TM7SF3: variants seen among roughly 807,000 people sequenced by gnomAD.
TM7SF3 encodes seven span transmembrane protein.
In TM7SF3, 60 loss-of-function variants were observed where a neutral mutation model predicts 65.5. That is an observed-to-expected ratio of 0.92 (90% confidence interval 0.74 to 1.14). TM7SF3 has a LOEUF of 1.14. Among genes scored for constraint, TM7SF3 ranks in the 50% most tolerant of loss-of-function variants. The probability of loss-of-function intolerance (pLI) is 0.00; values close to 1 mark genes in which losing one functional copy is unlikely to be tolerated. For missense variants in TM7SF3, 623 were observed against 684.8 expected, an observed-to-expected ratio of 0.91 and a Z score of 1.01; for synonymous variants, 264 against 259.6, an observed-to-expected ratio of 1.02 and a Z score of -0.16.
chr12:26,990,625 C>A lies in TM7SF3; in HGVS notation c.693G>T (p.Val231=). The change falls in exon 6 of 12, where the codon GTG becomes GTT. Residue 231 remains valine, a splice_region_variant and synonymous_variant. Coordinates refer to ENST00000343028, the MANE Select transcript of TM7SF3 (RefSeq NM_016551.3). ...TCTTATCATTAGCTGTTAGGGTAAC[C>A]ACCTGAAGCCAAAAATAACACATGA... The part of the protein sequence containing the change: ...VPQVKASALK[V]VTLTANDKTS... 6.2e-7 allele frequency: 1 copy of A among 1,611,672 alleles called. No homozygotes were observed. Among genetic ancestry groups the A allele is most frequent in the South Asian group, 1.1e-5 (1 of 90,630 alleles).
At chr12:27,001,767 T>C (rs1269894154) in intron 2 of TM7SF3, among the ~76,000 whole-genome samples, 1 of 152,176 alleles carries the variant, frequency 6.6e-6, no homozygotes, top group Admixed American at 6.5e-5. Context: ...TTACTAAGTC[T>C]CCTATGTAAG....
intron 9 of TM7SF3, chr12:26,978,562 A>T (rs1374597012): frequency 6.6e-6 from 1 of 152,100 alleles, no homozygotes; most frequent in African/African-American, 2.4e-5. Context: ...ATTAAGTAGT[A>T]GTTGGTTTTT....
chr12:26,971,824 A>G lies in TM7SF3; in HGVS notation c.*2141T>C, dbSNP rs1402733157. Reference sequence around the variant, plus strand: ...AGTGTTACTGAAGTTAATTATAGACAGTAAGGATTACAGAATAAGCAGTAA... The same window carrying G: ...AGTGTTACTGAAGTTAATTATAGACGGTAAGGATTACAGAATAAGCAGTAA... On this transcript the variant is annotated 3_prime_UTR_variant, in exon 12 of 12. Coordinates refer to ENST00000343028, the MANE Select transcript of TM7SF3 (RefSeq NM_016551.3). 6.6e-6 allele frequency: 1 copy of G among 152,242 alleles called. No homozygotes were observed. The highest frequency in any genetic ancestry group is 1.5e-5 in the Non-Finnish European group (1 of 68,044). The allele number at this position is 152,242 out of a possible 1,614,324, so 9.4% of individuals were successfully genotyped here.
At chr12:26,977,400 A>G (rs931655559) in intron 9 of TM7SF3, among the ~76,000 whole-genome samples, 1 of 152,248 alleles carries the variant, frequency 6.6e-6, no homozygotes, top group Non-Finnish European at 1.5e-5. Context: ...AAAACTAGCA[A>G]TCTAATCAGA....
chr12:26,977,766 A>ATGTGTG (rs10608992), intron 9 of TM7SF3, among the ~76,000 whole-genome samples: 1 of 148,458 alleles, frequency 6.7e-6, no homozygotes, highest in African/African-American at 2.5e-5. Flanking sequence ...GAAAAAAATA[A>ATGTGTG]TGTGTGTGTG....
At chr12:26,995,547 TG>T in intron 4 of TM7SF3, 139 bp from the exon 5 acceptor site, 1 of 899,714 alleles carries the variant, frequency 1.1e-6, no homozygotes, top group Admixed American at 2.6e-5. Flanking sequence ...TGGCAACAAT[TG>T]GTATTCTGAA....
At chr12:27,009,831 G>A (rs761623226) in intron 1 of TM7SF3, among the ~76,000 whole-genome samples, 1 of 150,494 alleles carries the variant, frequency 6.6e-6, no homozygotes, top group Non-Finnish European at 1.5e-5. Flanking sequence ...ACAAGCAAAG[G>A]ATAAATATGT....
chr12:26,974,377 A>G (rs1939484285), intron 11 of TM7SF3, 150 bp from the exon 12 acceptor site: 1 of 829,658 alleles, frequency 1.2e-6, no homozygotes, highest in Non-Finnish European at 1.8e-6. Flanking sequence ...CCTCAGTTAC[A>G]AACCAAGGAA....
intron 5 of TM7SF3, among the ~76,000 whole-genome samples, chr12:26,991,214 G>A (rs932015116): frequency 2.0e-5 from 3 of 146,748 alleles, no homozygotes; most frequent in South Asian, 2.2e-4. Context: ...CTGCAGTGGC[G>A]CAATCTCGGC....
intron 1 of TM7SF3, 147 bp downstream of exon 1, chr12:27,013,931 C>A: frequency 1.4e-6 from 1 of 723,506 alleles, no homozygotes; most frequent in Admixed American, 2.1e-5. Flanking sequence ...AAACACCATT[C>A]GTGCCGGTTC....
At chr12:26,986,459 T>C (rs1940104542) in intron 6 of TM7SF3, among the ~76,000 whole-genome samples, 1 of 152,108 alleles carries the variant, frequency 6.6e-6, no homozygotes, top group South Asian at 2.1e-4. Flanking sequence ...TAGCCCATGT[T>C]GTACTCAAGA....
At chr12:26,975,378 C>G (rs935437864) in intron 11 of TM7SF3, 118 bp downstream of exon 11, 12 of 972,650 alleles carry the variant, frequency 1.2e-5, no homozygotes, top group Non-Finnish European at 1.7e-5. Flanking sequence ...ATGCTGTGTT[C>G]CCTCCTTTTG....
rs368224323 is a variant in TM7SF3 at position 27,011,693 on chromosome 12, T to C, written c.91+2385A>G. On this transcript the variant is annotated intron_variant, in intron 1 of 11. Transcript: ENST00000343028. ...ATGTCCTTCTACCTTTCTATACTGA[T>C]TTTTAGCTGATAGATGTGGAGAATA... Among the ~76,000 whole-genome samples the C allele has an allele frequency of 3.9e-5, 6 of 152,324 alleles. 1 individual carries two copies. The highest frequency in any genetic ancestry group is 1.2e-4 in the African/African-American group (5 of 41,572).
chr12:26,977,703 G>A lies in TM7SF3; in HGVS notation c.1190-1346C>T, dbSNP rs527539439. Among the ~76,000 whole-genome samples, 12 of 152,186 alleles carry A rather than the reference G, an allele frequency of 7.9e-5. No homozygotes were observed. The East Asian group carries it at 2.1e-3, about 27-fold the overall frequency. ...CGGGAGGTGGAGGTTGCAGTGAACTGAGACTGCGCGACTGCACTCTAGCCT... is the reference window on the plus strand; with the variant it reads ...CGGGAGGTGGAGGTTGCAGTGAACTAAGACTGCGCGACTGCACTCTAGCCT... On this transcript the variant is annotated intron_variant, in intron 9 of 11. Transcript: ENST00000343028.
At chr12:26,992,084 G>GT (rs1009873139) in intron 5 of TM7SF3, among the ~76,000 whole-genome samples, 28 of 152,170 alleles carry the variant, frequency 1.8e-4, no homozygotes, top group African/African-American at 6.5e-4. Context: ...CAGTACAGAT[G>GT]TAAGTCTAAG....
At chr12:27,013,294 G>A (rs1387323198) in intron 1 of TM7SF3, among the ~76,000 whole-genome samples, 2 of 152,204 alleles carry the variant, frequency 1.3e-5, no homozygotes, top group African/African-American at 4.8e-5. Flanking sequence ...TGAGACAACA[G>A]AGAACACAGT....
At chr12:26,996,894 A>T (rs1170304161) in intron 3 of TM7SF3, 32 bp from the exon 4 acceptor site, 1 of 1,582,268 alleles carries the variant, frequency 6.3e-7, no homozygotes, top group Non-Finnish European at 8.6e-7. Context: ...TACTAAACAA[A>T]CAATTCCTAC....
At position 26,973,570 on chromosome 12, in the gene TM7SF3, C is replaced by T. The variant is rs1831725882; in HGVS notation, c.*395G>A. ...ATAAAGACTCAATAATAAACTCCCT[C>T]CGAAAGTTTAGACAGGCTCAGGTGA... On this transcript the variant is annotated 3_prime_UTR_variant, in exon 12 of 12. Transcript: ENST00000343028. The T allele has an allele frequency of 6.2e-6, 1 of 161,022 alleles. No individual in the cohort carries two copies. The highest frequency in any genetic ancestry group is 2.4e-5 in the African/African-American group (1 of 41,596). The allele number at this position is 161,022 out of a possible 1,614,324, so 10.0% of individuals were successfully genotyped here. A position where few individuals can be genotyped will look rare whatever the true frequency, so the allele number is the denominator to read the frequency against.
intron 5 of TM7SF3, among the ~76,000 whole-genome samples, chr12:26,993,134 G>C (rs978899124): frequency 6.6e-5 from 10 of 151,724 alleles, no homozygotes; most frequent in African/African-American, 2.4e-4. Flanking sequence ...TCAAACTCCT[G>C]AGCTCAAGTG....
Sources: allele counts gnomAD v4.1 joint callset (sites outside exome capture counted in the v4.1 genomes callset), GRCh38; gene constraint gnomAD v4.1.1; transcripts MANE v1.5; gene names NCBI Gene and HGNC (gene_info 2026-07-23, HGNC 2026-07-21).